KIF13A: variants seen among roughly 807,000 people sequenced by gnomAD.
KIF13A encodes kinesin-like protein KIF13A.
Under a neutral mutation model 212.2 loss-of-function variants are expected in KIF13A, and 79 were observed. That is an observed-to-expected ratio of 0.37 (90% CI 0.31 to 0.45). KIF13A has a LOEUF of 0.45. KIF13A is among the 20% of genes least tolerant of loss of function. The pLI, the probability that KIF13A is intolerant of heterozygous loss-of-function variation, is 1.00. For missense variants in KIF13A, 1,901 were observed against 2,209.0 expected (o/e 0.86, Z 2.79); for synonymous variants, 789 against 808.6 (o/e 0.98, Z 0.41).
chr6:17,852,099 T>G, intron 6 of KIF13A, 57 bp from the exon 7 acceptor site: 2 of 921,910 alleles, frequency 2.2e-6, no homozygotes, highest in Non-Finnish European at 3.1e-6. Flanking sequence ...AAGCTTTTCT[T>G]TCTCTTTAAG....
At chr6:17,977,535 T>A (rs1342614135) in intron 2 of KIF13A, among the ~76,000 whole-genome samples, 2 of 152,212 alleles carry the variant, frequency 1.3e-5, no homozygotes, top group Non-Finnish European at 2.9e-5. Context: ...ATTCAATTTT[T>A]AAAATTATAA....
Position 17,799,951 on chromosome 6 carries a change from C to T in KIF13A, c.2616+1G>A. On this transcript the variant is annotated splice_donor_variant, in intron 21 of 38. Transcript: ENST00000259711. LOFTEE classifies it high-confidence loss of function. This position sits in a 1 kb window ranked among gnomAD's most constrained non-coding sequence, Gnocchi z 4.4. The stretch of plus-strand genomic sequence containing the variant: ...TGAGCCTCCCATCACTGTCCTCTCA[C>T]CCGACATGTCAGCTTTTTGACTCGG... 6.2e-7 allele frequency: 1 copy of T among 1,613,608 alleles called. No individual in the cohort carries two copies. Among genetic ancestry groups the T allele is most frequent in the Non-Finnish European group, 8.5e-7 (1 of 1,179,676 alleles).
intron 3 of KIF13A, among the ~76,000 whole-genome samples, chr6:17,877,758 T>C (rs1263890006): frequency 6.6e-6 from 1 of 151,970 alleles, no homozygotes; most frequent in Non-Finnish European, 1.5e-5. Context: ...TTCAGTGACA[T>C]GCGTCATCCT....
At chr6:17,844,093 A>G (rs1766791993) in intron 9 of KIF13A, among the ~76,000 whole-genome samples, 1 of 152,084 alleles carries the variant, frequency 6.6e-6, no homozygotes, top group African/African-American at 2.4e-5. Context: ...ATTAGTTGAA[A>G]GATTGATGAA....
intron 4 of KIF13A, among the ~76,000 whole-genome samples, chr6:17,858,084 T>C (rs1186229070): frequency 3.4e-5 from 1 of 29,652 alleles, no homozygotes; most frequent in African/African-American, 2.4e-4. Flanking sequence ...AATAGTTATG[T>C]GTGTGTGTGT....
intron 3 of KIF13A, among the ~76,000 whole-genome samples, chr6:17,889,041 G>T (rs1015799388): frequency 3.3e-5 from 5 of 152,084 alleles, no homozygotes; most frequent in African/African-American, 1.2e-4. Context: ...AATAGTACAG[G>T]TCTAGAACTC....
intron 4 of KIF13A, among the ~76,000 whole-genome samples, chr6:17,868,467 G>C (rs1051437914): frequency 6.6e-6 from 1 of 151,722 alleles, no homozygotes; most frequent in Non-Finnish European, 1.5e-5. Context: ...GTGTACATCT[G>C]CATGTATATA....
intron 2 of KIF13A, among the ~76,000 whole-genome samples, chr6:17,906,098 T>A (rs2067849): frequency 2.6e-5 from 4 of 151,904 alleles, no homozygotes; most frequent in African/African-American, 9.7e-5. Flanking sequence ...AGTTCCAAGA[T>A]AAAGCCTGGT....
chr6:17,961,843 G>A lies in KIF13A; in HGVS notation c.146+25211C>T, dbSNP rs904723248. ...CTTCTCTTATTCTCACCTAAGCCCT[G>A]TGTTCCTCTGTATTCTAGGGTGCTT... On this transcript the variant is annotated intron_variant, in intron 2 of 38. Transcript: ENST00000259711. This position sits in a 1 kb window ranked among gnomAD's most constrained non-coding sequence, Gnocchi z 4.1. Among the ~76,000 whole-genome samples the A allele has an allele frequency of 6.6e-6, 1 of 152,184 alleles. No individual in the cohort carries two copies. The highest frequency in any genetic ancestry group is 2.4e-5 in the African/African-American group (1 of 41,440).
In KIF13A at chr6:17,764,701, C is replaced by G; in HGVS notation, c.4827G>C (p.Leu1609=). 6.2e-7 allele frequency: 1 copy of G among 1,613,584 alleles called. No homozygotes were observed. Among genetic ancestry groups the G allele is most frequent in the East Asian group, 2.2e-5 (1 of 44,876 alleles). The change falls in exon 39 of 39, where the codon CTG becomes CTC. Residue 1609 remains leucine, a synonymous_variant. Coordinates refer to ENST00000259711, the MANE Select transcript of KIF13A (RefSeq NM_022113.6). The surrounding 1 kb of genome is among the most constrained non-coding windows in gnomAD (Gnocchi z 5.1). ...YFSHSASNAT[L]SDMVVPSSDS... ...CACTAGAAGGGACCACCATGTCAGA[C>G]AGGGTGGCATTGGAGGCACTGTGGG...
chr6:17,919,547 G>A lies in KIF13A; in HGVS notation c.147-21367C>T. On this transcript the variant is annotated intron_variant, in intron 2 of 38. Coordinates refer to ENST00000259711, the MANE Select transcript of KIF13A (RefSeq NM_022113.6). This position sits in a 1 kb window ranked among gnomAD's most constrained non-coding sequence, Gnocchi z 4.1. ...TATATATCCAGAGTAAGAAAGCTGT[G>A]AGTATCAAAAATAGATGTTCTACAG... Among the ~76,000 whole-genome samples, 1 of 152,274 alleles carries A rather than the reference G, an allele frequency of 6.6e-6. No homozygotes were observed. Among genetic ancestry groups the A allele is most frequent in the Admixed American group, 6.5e-5 (1 of 15,290 alleles).
intron 2 of KIF13A, among the ~76,000 whole-genome samples, chr6:17,956,468 A>G (rs1431665383): frequency 1.3e-5 from 2 of 152,230 alleles, no homozygotes; most frequent in Admixed American, 6.5e-5. Flanking sequence ...AAAGCAACCA[A>G]GATGGAAACA....
chr6:17,831,842 A>G (rs775645202), intron 12 of KIF13A, among the ~76,000 whole-genome samples: 3 of 151,470 alleles, frequency 2.0e-5, no homozygotes, highest in South Asian at 2.1e-4. Flanking sequence ...TCATTCATTC[A>G]AGATATATTT....
chr6:17,764,664 G>A lies in KIF13A; in HGVS notation c.4864C>T (p.Gln1622Ter), dbSNP rs1277467697. ...GCATCCTTCGTCTGAATGGCCAGCT[G>A]GTCTGAGCTGTCACTAGAAGGGACC... ...MVVPSSDSSD[Q>*]LAIQTKDADS... The change falls in exon 39 of 39, where the codon CAG (glutamine) becomes TAG (stop). Residue 1622 changes from glutamine to a stop codon, truncating the protein, a stop_gained. Coordinates refer to ENST00000259711, the MANE Select transcript of KIF13A (RefSeq NM_022113.6). LOFTEE classifies it low-confidence loss of function (END_TRUNC). This position sits in a 1 kb window ranked among gnomAD's most constrained non-coding sequence, Gnocchi z 5.1. The A allele has an allele frequency of 6.2e-7, 1 of 1,613,850 alleles. No homozygotes were observed. The highest frequency in any genetic ancestry group is 8.5e-7 in the Non-Finnish European group (1 of 1,179,846).
At chr6:17,941,714 A>G (rs1776969292) in intron 2 of KIF13A, among the ~76,000 whole-genome samples, 1 of 151,282 alleles carries the variant, frequency 6.6e-6, no homozygotes, top group Admixed American at 6.6e-5. Flanking sequence ...TCAACCTTCA[A>G]CATGGGTACC....
rs746430364 is a variant in KIF13A, at chr6:17,855,567, T to C, written c.364A>G (p.Ile122Val). 6.2e-7 allele frequency: 1 copy of C among 1,613,456 alleles called. No individual in the cohort carries two copies. Among genetic ancestry groups the C allele is most frequent in the Non-Finnish European group, 8.5e-7 (1 of 1,179,680 alleles). ...MMGHAEQLGL[I>V]PRLCCALFKR... ...AATAAAGCACAGCAGAGCCTTGGAA[T>C]AAGGCCCAGCTGCTCAGCATGGCCC... is the stretch of plus-strand genomic sequence containing the variant. The change falls in exon 6 of 39, where the codon ATT (isoleucine) becomes GTT (valine). Residue 122 changes from isoleucine to valine, a missense_variant. By Grantham distance (29) the Ile-to-Val change is conservative. This residue lies in a region of KIF13A where 506 missense variants were observed against 637.4 expected (regional missense o/e 0.79). Coordinates refer to ENST00000259711, the MANE Select transcript of KIF13A (RefSeq NM_022113.6). This position sits in a 1 kb window ranked among gnomAD's most constrained non-coding sequence, Gnocchi z 4.1.
At chr6:17,840,600 T>G (rs1375328211) in intron 9 of KIF13A, among the ~76,000 whole-genome samples, 1 of 152,188 alleles carries the variant, frequency 6.6e-6, no homozygotes, top group Non-Finnish European at 1.5e-5. Flanking sequence ...GATTTATCCA[T>G]CACCGAGAGA....
At chr6:17,885,571 C>G (rs1771468983) in intron 3 of KIF13A, among the ~76,000 whole-genome samples, 1 of 152,194 alleles carries the variant, frequency 6.6e-6, no homozygotes, top group Non-Finnish European at 1.5e-5. Context: ...TTCTAGAAAA[C>G]AACTATCCTT....
At chr6:17,832,277 TAAG>T (rs1310850266) in intron 12 of KIF13A, among the ~76,000 whole-genome samples, 1 of 152,186 alleles carries the variant, frequency 6.6e-6, no homozygotes, top group Non-Finnish European at 1.5e-5. Context: ...TATTTTAACT[TAAG>T]TAAAAGTTAA....
Sources: allele counts gnomAD v4.1 joint callset (sites outside exome capture counted in the v4.1 genomes callset), GRCh38; gene constraint gnomAD v4.1.1; regional missense constraint gnomAD v4.1.1; non-coding constraint Gnocchi (gnomAD v3.1); transcripts MANE v1.5; gene names NCBI Gene and HGNC (gene_info 2026-07-23, HGNC 2026-07-21).